TUBGCP4: variants seen among roughly 807,000 people sequenced by gnomAD.
The protein encoded by TUBGCP4 is gamma-tubulin complex component 4.
In TUBGCP4, 54 loss-of-function variants were observed where a neutral mutation model predicts 91.6. The observed-to-expected ratio is 0.59, with a 90% confidence interval of 0.47 to 0.74. TUBGCP4 has a LOEUF of 0.74. Ranked by LOEUF, TUBGCP4 falls within the 30% of genes least tolerant of loss-of-function variation. The pLI is 0.00. For synonymous variants in TUBGCP4, 297 were observed against 302.8 expected (o/e 0.98, Z 0.20); for missense variants, 593 against 800.9 (o/e 0.74, Z 3.13).
At chr15:43,379,294 G>A (rs1238880851) in intron 5 of TUBGCP4, among the ~76,000 whole-genome samples, 1 of 152,210 alleles carries the variant, frequency 6.6e-6, no homozygotes, top group African/African-American at 2.4e-5. Context: ...TTGTTTATTA[G>A]TATGCTTAAA....
Position 43,407,268 on chromosome 15 carries a change from A to AAAC in TUBGCP4, c.*2055_*2057dup. On this transcript the variant is annotated 3_prime_UTR_variant, in exon 18 of 18. Transcript: ENST00000564079. The stretch of plus-strand genomic sequence containing the variant: ...TTTTATCATAAAAGTTCAGCAAATA[A>AAAC]AACTATATACAAGATCCATGCAAGG... The AAAC allele has an allele frequency of 1.2e-6, 1 of 845,732 alleles. No homozygotes were observed. The highest frequency in any genetic ancestry group is 1.9e-6 in the Non-Finnish European group (1 of 540,362). The allele number at this position is 845,732 out of a possible 1,614,324, so 52.4% of individuals were successfully genotyped here.
Position 43,408,426 on chromosome 15 carries a change from A to T in TUBGCP4, c.*3212A>T, listed in dbSNP as rs1189461782. On this transcript the variant is annotated 3_prime_UTR_variant, in exon 18 of 18. Coordinates refer to ENST00000564079, the MANE Select transcript of TUBGCP4 (RefSeq NM_014444.5). ...AGCCTGGGAGGTTGAGGCTGCAGTA[A>T]GTCGTCACTGCGCCACTGTACTCCA... 1 of 279,728 alleles carries T rather than the reference A, an allele frequency of 3.6e-6. No individual in the cohort carries two copies. 17.3% of individuals were successfully genotyped at this position (279,728 alleles called of 1,614,324 possible). A position where few individuals can be genotyped will look rare whatever the true frequency, so the allele number is the denominator to read the frequency against.
intron 6 of TUBGCP4, among the ~76,000 whole-genome samples, chr15:43,382,435 T>G (rs1252924080): frequency 2.6e-5 from 4 of 152,180 alleles, no homozygotes; most frequent in Non-Finnish European, 5.9e-5. Context: ...CTTTTTAGTC[T>G]CCTTTAATTT....
rs2012467 is a variant in TUBGCP4, at chr15:43,398,367, A to G, written c.1418+188A>G. On this transcript the variant is annotated intron_variant, in intron 13 of 17. Transcript: ENST00000564079. ...TCAAATCCATCCTGGGCAACATAGT[A>G]AGACCCCCATCTCATAAAAAAAAAA... 0.39 allele frequency: 178,070 copies of G among 462,214 alleles called. 43,683 individuals are homozygous for G. Among genetic ancestry groups the G allele is most frequent in the African/African-American group, 0.87 (43,764 of 50,134 alleles). The allele number at this position is 462,214 out of a possible 1,614,324, so 28.6% of individuals were successfully genotyped here. A position where few individuals can be genotyped will look rare whatever the true frequency, so the allele number is the denominator to read the frequency against.
Position 43,407,213 on chromosome 15 carries a change from G to A in TUBGCP4, c.*1999G>A. On this transcript the variant is annotated 3_prime_UTR_variant, in exon 18 of 18. Transcript: ENST00000564079. ...CAAAAAAACAGATGAAGAAATCCCA[G>A]TTACTACAACCAAAGAGATTCAACA... is the stretch of plus-strand genomic sequence containing the variant. The A allele has an allele frequency of 1.6e-6, 1 of 614,314 alleles. No homozygotes were observed. 38.1% of individuals were successfully genotyped at this position (614,314 alleles called of 1,614,324 possible).
At chr15:43,377,624 AAAAAG>A (rs1355551532) in intron 4 of TUBGCP4, 17 of 476,268 alleles carry the variant, frequency 3.6e-5, no homozygotes, top group African/African-American at 1.1e-4. Flanking sequence ...AAAAAAAAAA[AAAAAG>A]AAAAAAGAAA....
At chr15:43,382,166 C>T (rs1032936244) in intron 6 of TUBGCP4, among the ~76,000 whole-genome samples, 1 of 151,026 alleles carries the variant, frequency 6.6e-6, no homozygotes, top group African/African-American at 2.4e-5. Flanking sequence ...GAGCCATGAT[C>T]GTGCTACAGC....
At chr15:43,397,346 T>TA in intron 12 of TUBGCP4, 25 bp downstream of exon 12, 1 of 1,524,724 alleles carries the variant, frequency 6.6e-7, no homozygotes, top group Non-Finnish European at 9.1e-7. Context: ...CCTGCCACCT[T>TA]AGAGTTCCTG....
Position 43,393,623 on chromosome 15 carries a change from T to A in TUBGCP4, c.1015-1484T>A, listed in dbSNP as rs141138001. 7.1e-3 allele frequency among the ~76,000 whole-genome samples: 1,078 copies of A among 151,402 alleles called. 10 individuals carry two copies. Among genetic ancestry groups the A allele is most frequent in the African/African-American group, 0.022 (927 of 41,256 alleles). On this transcript the variant is annotated intron_variant, in intron 9 of 17. Transcript: ENST00000564079. ...CCCCCCACCCTACAACAGTCCCCGGTGTGTGATGTTCCCCTTCCTGTGTCC... is the reference window on the plus strand; with the variant it reads ...CCCCCCACCCTACAACAGTCCCCGGAGTGTGATGTTCCCCTTCCTGTGTCC...
intron 1 of TUBGCP4, among the ~76,000 whole-genome samples, chr15:43,374,833 AAAGG>A (rs1315716585): frequency 6.6e-6 from 1 of 152,242 alleles, no homozygotes; most frequent in Non-Finnish European, 1.5e-5. Flanking sequence ...TCAGCCTTAA[AAAGG>A]AAGGAAATTC....
In TUBGCP4 at chr15:43,398,289, G is replaced by A. The variant is rs1018947856; in HGVS notation, c.1418+110G>A. The A allele has an allele frequency of 2.3e-5, 29 of 1,257,512 alleles. No homozygotes were observed. The African/African-American group carries it at 4.3e-4, about 19-fold the overall frequency. 77.9% of individuals were successfully genotyped at this position (1,257,512 alleles called of 1,614,324 possible). On this transcript the variant is annotated intron_variant, in intron 13 of 17. Coordinates refer to ENST00000564079, the MANE Select transcript of TUBGCP4 (RefSeq NM_014444.5). ...AAGCAAGGTGTGGTGGCACACACCT[G>A]TAATCCCAGCTAGTCCAGAGCCTGA...
chr15:43,386,725 C>CAAAAAAAAAAAAAAAAAAAAAAAAA (rs10718458), intron 9 of TUBGCP4, among the ~76,000 whole-genome samples: 1 of 67,012 alleles, frequency 1.5e-5, no homozygotes, highest in African/African-American at 5.7e-5. Flanking sequence ...ACTCTGTCTC[C>CAAAAAAAAAAAAAAAAAAAAAAAAA]AAAAAAAAAA....
intron 10 of TUBGCP4, 172 bp downstream of exon 10, chr15:43,395,329 A>G: frequency 1.3e-6 from 1 of 749,242 alleles, no homozygotes; most frequent in Non-Finnish European, 2.3e-6. Flanking sequence ...CGATAATACA[A>G]AGATTTGGGA....
At chr15:43,399,468 C>G (rs896243674) in intron 13 of TUBGCP4, among the ~76,000 whole-genome samples, 1 of 152,122 alleles carries the variant, frequency 6.6e-6, no homozygotes, top group Non-Finnish European at 1.5e-5. Context: ...CCTCAACCTC[C>G]CAAGCAGCTG....
chr15:43,374,445 CA>C (rs899297627), intron 1 of TUBGCP4, among the ~76,000 whole-genome samples: 8 of 151,194 alleles, frequency 5.3e-5, no homozygotes, highest in South Asian at 2.1e-4. Context: ...TCCATCTCTA[CA>C]AAAAAAAAAT....
chr15:43,400,052 T>C lies in TUBGCP4; in HGVS notation c.1427T>C (p.Val476Ala). The change falls in exon 14 of 18, where the codon GTT (valine) becomes GCT (alanine). Residue 476 changes from valine to alanine, a missense_variant. Coordinates refer to ENST00000564079, the MANE Select transcript of TUBGCP4 (RefSeq NM_014444.5). ...TGTTATTTCTGTCCTAGGTACAATG[T>C]TGTTTTTAAGTACTTACTGAGTGTG... ...FTPAVLEKYN[V>A]VFKYLLSVRR... is the part of the protein sequence containing the mutation. 2 of 1,611,084 alleles carry C rather than the reference T, an allele frequency of 1.2e-6. No homozygotes were observed. Among genetic ancestry groups the C allele is most frequent in the Non-Finnish European group, 1.7e-6 (2 of 1,177,550 alleles).
intron 6 of TUBGCP4, among the ~76,000 whole-genome samples, chr15:43,380,368 C>A (rs1013870440): frequency 6.6e-6 from 1 of 152,202 alleles, no homozygotes; most frequent in African/African-American, 2.4e-5. Context: ...TGTTGAGTGA[C>A]AAAGCCAGGA....
Position 43,408,681 on chromosome 15 carries a change from TATATACAAATCTTCACACA to T in TUBGCP4, c.*3468_*3486del. 1 of 557,836 alleles carries T rather than the reference TATATACAAATCTTCACACA, an allele frequency of 1.8e-6. No individual in the cohort carries two copies. Among genetic ancestry groups the T allele is most frequent in the Non-Finnish European group, 3.2e-6 (1 of 311,380 alleles). 34.6% of individuals were successfully genotyped at this position (557,836 alleles called of 1,614,324 possible). On this transcript the variant is annotated 3_prime_UTR_variant, in exon 18 of 18. Coordinates refer to ENST00000564079, the MANE Select transcript of TUBGCP4 (RefSeq NM_014444.5). ...CTTTACAGGTTGAGAATATTGAACCTATATACAAATCTTCACACATTTGCAAAAGGTTCCTAGCCAATGT... is the reference window on the plus strand; with the variant it reads ...CTTTACAGGTTGAGAATATTGAACCTTTTGCAAAAGGTTCCTAGCCAATGT...
rs1371583973 is a variant in TUBGCP4 at position 43,406,924 on chromosome 15, T to TTAAC, written c.*1712_*1715dup. The TTAAC allele has an allele frequency of 4.1e-5, 10 of 242,926 alleles. 1 individual carries two copies. Among genetic ancestry groups the TTAAC allele is most frequent in the Non-Finnish European group, 7.3e-5 (9 of 122,500 alleles). 15.0% of individuals were successfully genotyped at this position (242,926 alleles called of 1,614,324 possible). On this transcript the variant is annotated 3_prime_UTR_variant, in exon 18 of 18. Coordinates refer to ENST00000564079, the MANE Select transcript of TUBGCP4 (RefSeq NM_014444.5). Reference sequence around the variant, plus strand: ...TCAGAGAGAGAGCATGAGGTCTTTTTTAACTGTCAGGAAACAGAGCTGTGC... The same window carrying TTAAC: ...TCAGAGAGAGAGCATGAGGTCTTTTTTAACTAACTGTCAGGAAACAGAGCTGTGC...
Sources: gnomAD v4.1 joint callset for allele counts (sites outside exome capture counted in the v4.1 genomes callset) on GRCh38, gnomAD v4.1.1 for gene constraint, MANE v1.5 for transcripts, NCBI Gene and HGNC (gene_info 2026-07-23, HGNC 2026-07-21) for gene names.